The following FBXL18 variants were observed in gnomAD, a reference collection of about 807,000 sequenced individuals.
FBXL18 encodes the protein F-box/LRR-repeat protein 18.
In FBXL18, 36 loss-of-function variants were observed where a neutral mutation model predicts 46.0. The ratio of observed to expected loss-of-function variants is 0.78; its 90% confidence interval spans 0.60 to 1.03. FBXL18 has a LOEUF of 1.03. FBXL18 is among the 50% of genes least tolerant of loss of function. The pLI is 0.00. For synonymous variants in FBXL18, 557 were observed against 465.3 expected (o/e 1.20, Z -2.54); for missense variants, 977 against 1,004.1 (o/e 0.97, Z 0.36).
rs1267817469 is a variant in FBXL18 at position 5,480,610 on chromosome 7, C to T, written c.*1165G>A. 8.3e-6 allele frequency: 1 copy of T among 119,980 alleles called. No homozygotes were observed. Among genetic ancestry groups the T allele is most frequent in the East Asian group, 2.5e-4 (1 of 3,976 alleles). 7.4% of individuals were successfully genotyped at this position (119,980 alleles called of 1,614,324 possible). A position where few individuals can be genotyped will look rare whatever the true frequency, so the allele number is the denominator to read the frequency against. On this transcript the variant is annotated 3_prime_UTR_variant, in exon 5 of 5. Coordinates refer to ENST00000382368, the MANE Select transcript of FBXL18 (RefSeq NM_024963.6). ...GCGGAGTCTCACCCTGTTGTCCAGG[C>T]TGGAGTGCAATGGTGTGATCTCGGC...
At chr7:5,464,637 T>C (rs1454175332) in intron 4 of FBXL18, among the ~76,000 whole-genome samples, 1 of 106,956 alleles carries the variant, frequency 9.3e-6, no homozygotes, top group Non-Finnish European at 1.7e-5. Context: ...AACTCTAGCC[T>C]GGGCCAATGA....
rs1784366974 is a variant in FBXL18, at chr7:5,505,340, G to A, written c.237+72C>T. 9 of 1,380,748 alleles carry A rather than the reference G, an allele frequency of 6.5e-6. No individual in the cohort carries two copies. In the South Asian group the frequency reaches 9.9e-5, roughly 15 times the overall value. 85.5% of individuals were successfully genotyped at this position (1,380,748 alleles called of 1,614,324 possible). ...TTATATCAGCACACAGGGTTCCACT[G>A]CAGGGCTGTGCCCAGTCCTCAAAGA... is the stretch of plus-strand genomic sequence containing the variant. On this transcript the variant is annotated intron_variant, in intron 2 of 4. Transcript: ENST00000382368.
At chr7:5,483,244 C>T (rs1282613625) in intron 4 of FBXL18, among the ~76,000 whole-genome samples, 1 of 151,804 alleles carries the variant, frequency 6.6e-6, no homozygotes, top group African/African-American at 2.4e-5. Context: ...GGTTTGAGAC[C>T]AGCCTGGCCA....
At chr7:5,456,742 C>A (rs1003294211) in intron 4 of FBXL18, among the ~76,000 whole-genome samples, 2 of 151,966 alleles carry the variant, frequency 1.3e-5, no homozygotes, top group African/African-American at 4.8e-5. Context: ...GGTGCTGAGA[C>A]TCAGAACAGA....
In FBXL18 at chr7:5,476,315, C is replaced by T. The variant is rs1334279987; in HGVS notation, c.*5460G>A. On this transcript the variant is annotated 3_prime_UTR_variant, in exon 5 of 5. Transcript: ENST00000382368. ...TCACTCCCCGGGAGGCTTCTGTGGCCAGGGTTCCCATGGCGGGTCTGGTGG... is the reference window on the plus strand; with the variant it reads ...TCACTCCCCGGGAGGCTTCTGTGGCTAGGGTTCCCATGGCGGGTCTGGTGG... 4 of 152,288 alleles carry T rather than the reference C, an allele frequency of 2.6e-5. No homozygotes were observed. The highest frequency in any genetic ancestry group is 1.3e-4 in the Admixed American group (2 of 15,276). 9.4% of individuals were successfully genotyped at this position (152,288 alleles called of 1,614,324 possible).
chr7:5,501,726 G>A lies in FBXL18; in HGVS notation c.543C>T (p.Phe181=). ...AGGGCACCACGCCGTAGGAGGGAGT[G>A]AACAGCGTCTGCTTGAGCTCCCGCA... ...SRVRELKQTL[F]TPSYGVVPCC... is the part of the protein sequence containing the mutation. Residue 181 remains phenylalanine (F), a synonymous_variant, in exon 3 of 5, where the codon TTC becomes TTT. Coordinates refer to ENST00000382368, the MANE Select transcript of FBXL18 (RefSeq NM_024963.6). 6.3e-7 allele frequency: 1 copy of A among 1,577,658 alleles called. No individual in the cohort carries two copies. The highest frequency in any genetic ancestry group is 8.6e-7 in the Non-Finnish European group (1 of 1,161,330).
intron 4 of FBXL18, among the ~76,000 whole-genome samples, chr7:5,486,417 C>CA (rs200837990): frequency 5.3e-4 from 78 of 146,450 alleles, no homozygotes; most frequent in East Asian, 3.7e-3. Context: ...AACTCTGTTT[C>CA]AAAAAAAAAC....
chr7:5,493,026 G>A (rs4560713), intron 3 of FBXL18, among the ~76,000 whole-genome samples: 68,427 of 152,010 alleles, frequency 0.45, 15,723 homozygotes, highest in East Asian at 0.7. Flanking sequence ...ATTCTTCCCT[G>A]GTAGGTGACA....
At chr7:5,504,432 G>A (rs537335770) in intron 2 of FBXL18, among the ~76,000 whole-genome samples, 4 of 146,916 alleles carry the variant, frequency 2.7e-5, no homozygotes, top group Middle Eastern at 3.5e-3. Flanking sequence ...AGCCTCCTAA[G>A]TAGCTGGGAT....
At chr7:5,474,221 T>A (rs1001603950), downstream of FBXL18, among the ~76,000 whole-genome samples, 1 of 151,716 alleles carries the variant, frequency 6.6e-6, no homozygotes, top group Non-Finnish European at 1.5e-5. Context: ...AGAGTTTCAG[T>A]TGGGAAAGAT....
intron 3 of FBXL18, among the ~76,000 whole-genome samples, chr7:5,494,537 T>C (rs1784023198): frequency 6.6e-6 from 1 of 152,220 alleles, no homozygotes. Context: ...ATTGTTTTTA[T>C]TTAAAGATAG....
intron 4 of FBXL18, among the ~76,000 whole-genome samples, chr7:5,483,575 T>C (rs1783701133): frequency 6.6e-6 from 1 of 151,540 alleles, no homozygotes; most frequent in South Asian, 2.1e-4. Flanking sequence ...AGAAACCCCA[T>C]CTCTACTAAT....
In FBXL18 at chr7:5,481,593, T is replaced by G; in HGVS notation, c.*182A>C. The stretch of plus-strand genomic sequence containing the variant: ...CAGAACGCATCCCCTCGACCTAAAC[T>G]TCACAGAGCAACAGTCCCCATGAGA... On this transcript the variant is annotated 3_prime_UTR_variant, in exon 5 of 5. Coordinates refer to ENST00000382368, the MANE Select transcript of FBXL18 (RefSeq NM_024963.6). 3.1e-6 allele frequency: 2 copies of G among 640,546 alleles called. No individual in the cohort carries two copies. Among genetic ancestry groups the G allele is most frequent in the South Asian group, 3.7e-5 (2 of 54,616 alleles). The allele number at this position is 640,546 out of a possible 1,614,324, so 39.7% of individuals were successfully genotyped here.
Position 5,496,384 on chromosome 7 carries a change from T to C in FBXL18, c.1781+4104A>G, listed in dbSNP as rs1417295979. ...CAGTGCCTCCCTTGCTGACAGCCTC[T>C]GCTCGGTCTCCCTTCCACATTCTTC... On this transcript the variant is annotated intron_variant, in intron 3 of 4. Coordinates refer to ENST00000382368, the MANE Select transcript of FBXL18 (RefSeq NM_024963.6). The surrounding 1 kb of genome is among the most constrained non-coding windows in gnomAD (Gnocchi z 4.8). 6.6e-6 allele frequency among the ~76,000 whole-genome samples: 1 copy of C among 152,204 alleles called. No individual in the cohort carries two copies. Among genetic ancestry groups the C allele is most frequent in the Non-Finnish European group, 1.5e-5 (1 of 68,046 alleles).
intron 4 of FBXL18, among the ~76,000 whole-genome samples, chr7:5,463,186 T>C (rs566248418): frequency 5.1e-4 from 77 of 151,120 alleles, no homozygotes; most frequent in African/African-American, 1.8e-3. Flanking sequence ...ATTGGAACCC[T>C]CAAATATTGC....
Position 5,455,996 on chromosome 7 carries a change from C to A in FBXL18, c.2001-8153G>T, listed in dbSNP as rs2128230412. On this transcript the variant is annotated intron_variant and NMD_transcript_variant, in intron 4 of 6. Transcript: ENST00000415009. The surrounding 1 kb of genome is among the most constrained non-coding windows in gnomAD (Gnocchi z 4.6). ...TCCTTCCCCAGTGTCACTCCTCCTT[C>A]AAACCCCAAGAACCCGTTTGCCCTC... is the stretch of plus-strand genomic sequence containing the variant. Among the ~76,000 whole-genome samples, 1 of 152,280 alleles carries A rather than the reference C, an allele frequency of 6.6e-6. No individual in the cohort carries two copies. Among genetic ancestry groups the A allele is most frequent in the Non-Finnish European group, 1.5e-5 (1 of 68,020 alleles).
At chr7:5,471,701 G>A (rs776814125), downstream of FBXL18, among the ~76,000 whole-genome samples, 6 of 152,130 alleles carry the variant, frequency 3.9e-5, no homozygotes, top group Non-Finnish European at 7.3e-5. Flanking sequence ...TTAAAGGCTC[G>A]CCACATGGAC....
intron 3 of FBXL18, among the ~76,000 whole-genome samples, chr7:5,494,845 G>A (rs936652558): frequency 6.6e-6 from 1 of 152,214 alleles, no homozygotes; most frequent in Non-Finnish European, 1.5e-5. Flanking sequence ...GAGCCTCTGG[G>A]GTTAAAAACC....
intron 4 of FBXL18, among the ~76,000 whole-genome samples, chr7:5,464,719 G>T (rs1339636538): frequency 3.5e-5 from 5 of 142,754 alleles, no homozygotes; most frequent in Admixed American, 7.2e-5. Context: ...AAAAAAAAGT[G>T]GGTGGGAGCA....
Sources: gnomAD v4.1 joint callset for allele counts (sites outside exome capture counted in the v4.1 genomes callset) on GRCh38, gnomAD v4.1.1 for gene constraint, Gnocchi (gnomAD v3.1) non-coding constraint, MANE v1.5 for transcripts, NCBI Gene and HGNC (gene_info 2026-07-23, HGNC 2026-07-21) for gene names.